The following CAMKMT variants were observed in gnomAD, a reference collection of about 807,000 sequenced individuals.
CAMKMT encodes the protein CaM KMT.
CAMKMT carries 53 observed loss-of-function variants against 48.0 expected under a neutral mutation model. That is an observed-to-expected ratio of 1.10 (90% CI 0.89 to 1.39). The LOEUF is 1.39. CAMKMT is among the 40% of genes most tolerant of loss of function. CAMKMT has a pLI of 0.00. For missense variants in CAMKMT, 428 were observed against 402.7 expected (o/e 1.06, Z -0.54); for synonymous variants, 165 against 152.3 (o/e 1.08, Z -0.61).
chr2:44,670,969 C>CT (rs1675294802), intron 3 of CAMKMT, among the ~76,000 whole-genome samples: 1 of 152,154 alleles, frequency 6.6e-6, no homozygotes, highest in Non-Finnish European at 1.5e-5. Context: ...CCTTAATTGA[C>CT]TTTTTACCAG....
At chr2:44,376,096 G>C (rs1320381769) in intron 2 of CAMKMT, among the ~76,000 whole-genome samples, 1 of 151,958 alleles carries the variant, frequency 6.6e-6, no homozygotes, top group Non-Finnish European at 1.5e-5. Flanking sequence ...CCTGCTCCAG[G>C]TTCTATTAAG....
intron 3 of CAMKMT, among the ~76,000 whole-genome samples, chr2:44,557,513 C>G (rs752157806): frequency 9.9e-5 from 15 of 152,164 alleles, no homozygotes; most frequent in Non-Finnish European, 1.8e-4. Context: ...TGCTCCTCAT[C>G]TTGACCTGAG....
intron 3 of CAMKMT, among the ~76,000 whole-genome samples, chr2:44,582,165 G>A (rs942550563): frequency 2.6e-5 from 4 of 152,118 alleles, no homozygotes; most frequent in African/African-American, 9.7e-5. Context: ...CCTAAACCGG[G>A]CCTTTCTGAA....
chr2:44,517,272 T>TAA (rs549145315), intron 3 of CAMKMT, among the ~76,000 whole-genome samples: 236 of 152,312 alleles, frequency 1.5e-3, no homozygotes, highest in Non-Finnish European at 2.7e-3. Flanking sequence ...TCAGAGAAGA[T>TAA]ACACTGTGTC....
At chr2:44,670,519 G>T (rs1482189852) in intron 3 of CAMKMT, among the ~76,000 whole-genome samples, 4 of 152,062 alleles carry the variant, frequency 2.6e-5, no homozygotes, top group Non-Finnish European at 1.5e-5. Context: ...GGGCATGCTG[G>T]TGCATACCTA....
intron 3 of CAMKMT, among the ~76,000 whole-genome samples, chr2:44,574,635 T>C (rs1264917526): frequency 4.8e-5 from 1 of 20,710 alleles, no homozygotes; most frequent in Admixed American, 7.2e-4. Context: ...AAGCTATGAT[T>C]TTTTTTTTTT....
chr2:44,445,026 G>A (rs1067347), intron 3 of CAMKMT, among the ~76,000 whole-genome samples: 93,090 of 151,984 alleles, frequency 0.61, 29,222 homozygotes, highest in Admixed American at 0.69. Flanking sequence ...TGATAATAGA[G>A]GTTAAAAGGC....
In CAMKMT at chr2:44,404,891, A is replaced by G. The variant is rs144434995; in HGVS notation, c.376+14586A>G. On this transcript the variant is annotated intron_variant, in intron 3 of 10. Transcript: ENST00000378494. Reference sequence around the variant, plus strand: ...GTCTTTTTAAAAAAAGATGTTATGTATAATATTAAAGAGAATATAAATGCT... The same window carrying G: ...GTCTTTTTAAAAAAAGATGTTATGTGTAATATTAAAGAGAATATAAATGCT... Among the ~76,000 whole-genome samples, 157 of 152,232 alleles carry G rather than the reference A, an allele frequency of 1.0e-3. 1 individual carries two copies. Among genetic ancestry groups the G allele is most frequent in the African/African-American group, 3.7e-3 (154 of 41,576 alleles).
chr2:44,514,182 C>A (rs1670720009), intron 3 of CAMKMT, among the ~76,000 whole-genome samples: 1 of 151,504 alleles, frequency 6.6e-6, no homozygotes, highest in Admixed American at 6.6e-5. Context: ...GCAGGAAAAG[C>A]ATCATTAGAG....
intron 3 of CAMKMT, among the ~76,000 whole-genome samples, chr2:44,697,415 G>A (rs1000268980): frequency 2.6e-5 from 4 of 152,028 alleles, no homozygotes; most frequent in African/African-American, 9.7e-5. Flanking sequence ...CCAGACTAAG[G>A]CAGGTTAGAA....
In CAMKMT at chr2:44,749,133, G is replaced by T. The variant is rs112769649; in HGVS notation, c.699-4922G>T. Among the ~76,000 whole-genome samples the T allele has an allele frequency of 5.0e-3, 764 of 152,220 alleles. 9 individuals are homozygous for T. The highest frequency in any genetic ancestry group is 0.018 in the African/African-American group (728 of 41,508). On this transcript the variant is annotated intron_variant, in intron 8 of 10. Coordinates refer to ENST00000378494, the MANE Select transcript of CAMKMT (RefSeq NM_024766.5). Reference sequence around the variant, plus strand: ...TGGACGTGGTTTCTAGCTCATCTGAGGATTCTTTTCCCATTGCTCAAAGTG... The same window carrying T: ...TGGACGTGGTTTCTAGCTCATCTGATGATTCTTTTCCCATTGCTCAAAGTG...
At chr2:44,420,770 C>A (rs907409952) in intron 3 of CAMKMT, among the ~76,000 whole-genome samples, 1 of 151,558 alleles carries the variant, frequency 6.6e-6, no homozygotes, top group Non-Finnish European at 1.5e-5. Context: ...CCAGGGCTTT[C>A]ATTCAAGATA....
At chr2:44,665,386 C>T (rs1034024804) in intron 3 of CAMKMT, among the ~76,000 whole-genome samples, 3 of 152,214 alleles carry the variant, frequency 2.0e-5, no homozygotes, top group East Asian at 1.9e-4. Flanking sequence ...GAGGTTTTAA[C>T]GTGCAGCCAT....
chr2:44,700,983 A>G (rs536065766), intron 3 of CAMKMT, among the ~76,000 whole-genome samples: 6 of 152,266 alleles, frequency 3.9e-5, no homozygotes, highest in Non-Finnish European at 7.4e-5. Context: ...TTCTTCTTTT[A>G]TTGTCAAATA....
At chr2:44,613,469 C>T (rs2103903998) in intron 3 of CAMKMT, among the ~76,000 whole-genome samples, 2 of 152,246 alleles carry the variant, frequency 1.3e-5, no homozygotes, top group Admixed American at 1.3e-4. Context: ...TCTGATTGGT[C>T]AGGACTGTAT....
chr2:44,576,327 T>TAAAAAAAAAAAA (rs569571059), intron 3 of CAMKMT, among the ~76,000 whole-genome samples: 1 of 76,692 alleles, frequency 1.3e-5, no homozygotes. Context: ...AAACTCTGTC[T>TAAAAAAAAAAAA]AAAAAAAAAA....
chr2:44,609,797 ACTCATAGGG>A (rs1314999771), intron 3 of CAMKMT, among the ~76,000 whole-genome samples: 1 of 152,112 alleles, frequency 6.6e-6, no homozygotes, highest in African/African-American at 2.4e-5. Context: ...GATTGGAATC[ACTCATAGGG>A]CTCTTAACGC....
intron 3 of CAMKMT, among the ~76,000 whole-genome samples, chr2:44,489,178 T>A (rs2104705709): frequency 6.6e-6 from 1 of 152,152 alleles, no homozygotes; most frequent in Middle Eastern, 3.4e-3. Context: ...ACTTTTAATT[T>A]TTGACGTTTT....
Position 44,701,978 on chromosome 2 carries a change from T to A in CAMKMT, c.377-2305T>A, listed in dbSNP as rs557627480. On this transcript the variant is annotated intron_variant, in intron 3 of 10. Coordinates refer to ENST00000378494, the MANE Select transcript of CAMKMT (RefSeq NM_024766.5). ...GTCACATTTTACGTGATTTTTTTTT[T>A]TACTTTGTTCTTTGTATGTAATTTT... Among the ~76,000 whole-genome samples, 6 of 151,544 alleles carry A rather than the reference T, an allele frequency of 4.0e-5. No homozygotes were observed. The East Asian group carries it at 1.2e-3, about 31-fold the overall frequency.
Sources: allele counts gnomAD v4.1 joint callset (sites outside exome capture counted in the v4.1 genomes callset), GRCh38; gene constraint gnomAD v4.1.1; transcripts MANE v1.5; gene names NCBI Gene and HGNC (gene_info 2026-07-23, HGNC 2026-07-21).